The following CPEB3 variants were observed in gnomAD, a reference collection of about 807,000 sequenced individuals.
CPEB3 encodes the protein cytoplasmic polyadenylation element-binding protein 3.
CPEB3 carries 20 observed loss-of-function variants against 67.2 expected under a neutral mutation model. That is an observed-to-expected ratio of 0.30 (90% CI 0.21 to 0.43). The LOEUF is 0.43. Among genes scored for constraint, CPEB3 ranks in the 20% least tolerant of loss-of-function variants. The pLI is 1.00. For synonymous variants in CPEB3, 376 were observed against 393.1 expected, an observed-to-expected ratio of 0.96 and a Z score of 0.51; for missense variants, 746 against 968.6, an observed-to-expected ratio of 0.77 and a Z score of 3.05.
chr10:92,071,962 G>C (rs1235479505), intron 9 of CPEB3, among the ~76,000 whole-genome samples: 1 of 152,082 alleles, frequency 6.6e-6, no homozygotes, highest in Non-Finnish European at 1.5e-5. Flanking sequence ...AGAACAGAAA[G>C]AATGTGTACA....
chr10:92,189,814 C>T (rs1186176705), intron 3 of CPEB3, among the ~76,000 whole-genome samples: 1 of 135,968 alleles, frequency 7.4e-6, no homozygotes, highest in Non-Finnish European at 1.5e-5. Context: ...TTCAAGCAAT[C>T]ACCACGCCCT....
chr10:92,173,021 A>C (rs1349221620), intron 4 of CPEB3, among the ~76,000 whole-genome samples: 1 of 152,240 alleles, frequency 6.6e-6, no homozygotes, highest in Admixed American at 6.5e-5. Flanking sequence ...ATGTTTTCCC[A>C]GTCCTCCTTC....
At chr10:92,175,916 C>T (rs1460579279) in intron 4 of CPEB3, among the ~76,000 whole-genome samples, 1 of 152,066 alleles carries the variant, frequency 6.6e-6, no homozygotes, top group African/African-American at 2.4e-5. Flanking sequence ...ATGGCAAAAC[C>T]CCATCTCTAC....
chr10:92,068,505 T>TA (rs1218410800), intron 9 of CPEB3, among the ~76,000 whole-genome samples: 1 of 152,150 alleles, frequency 6.6e-6, no homozygotes, highest in Non-Finnish European at 1.5e-5. Flanking sequence ...ACTGCTAACT[T>TA]ACTTCTAACA....
At chr10:92,094,851 C>A (rs1461502518) in intron 7 of CPEB3, among the ~76,000 whole-genome samples, 3 of 151,134 alleles carry the variant, frequency 2.0e-5, no homozygotes, top group African/African-American at 7.3e-5. Flanking sequence ...AGAGATGTAT[C>A]TTTTTCTACA....
chr10:92,057,107 C>A (rs1052994193), intron 9 of CPEB3, among the ~76,000 whole-genome samples: 2 of 152,200 alleles, frequency 1.3e-5, no homozygotes, highest in Non-Finnish European at 2.9e-5. Context: ...CTGAGACTTG[C>A]TGGCTTCAGG....
chr10:92,127,175 C>T lies in CPEB3; in HGVS notation c.1453+15854G>A, dbSNP rs375853368. ...AAAAAAGAAATAAATTGGCCAGGCACGGTGACTTACATCTGTAATCCCAGC... is the reference window on the plus strand; with the variant it reads ...AAAAAAGAAATAAATTGGCCAGGCATGGTGACTTACATCTGTAATCCCAGC... On this transcript the variant is annotated intron_variant, in intron 6 of 9. Coordinates refer to ENST00000265997, the MANE Select transcript of CPEB3 (RefSeq NM_014912.5). Among the ~76,000 whole-genome samples, 42 of 152,224 alleles carry T rather than the reference C, an allele frequency of 2.8e-4. No homozygotes were observed. In the South Asian group the frequency reaches 8.3e-3, roughly 30 times the overall value.
chr10:92,251,797 C>T (rs893226831), intron 1 of CPEB3, among the ~76,000 whole-genome samples: 3 of 151,850 alleles, frequency 2.0e-5, no homozygotes, highest in African/African-American at 2.4e-5. Context: ...AAAAAAAGGT[C>T]GGATGTGGTG....
At chr10:92,116,254 A>G (rs966922086) in intron 6 of CPEB3, among the ~76,000 whole-genome samples, 7 of 138,008 alleles carry the variant, frequency 5.1e-5, no homozygotes, top group Non-Finnish European at 1.1e-4. Context: ...CCTTCCAGTA[A>G]AAAAAAAAAA....
intron 7 of CPEB3, among the ~76,000 whole-genome samples, chr10:92,108,974 C>A (rs1335972169): frequency 6.6e-6 from 1 of 152,204 alleles, no homozygotes; most frequent in East Asian, 1.9e-4. Context: ...ATATTATTCT[C>A]CTTCCCTACA....
chr10:92,146,587 C>G (rs555308314), intron 4 of CPEB3, among the ~76,000 whole-genome samples: 1 of 151,976 alleles, frequency 6.6e-6, no homozygotes. Context: ...ATTTCTTTTA[C>G]AAAAAAGTTA....
intron 7 of CPEB3, 58 bp from the exon 8 acceptor site, chr10:92,092,002 T>C (rs1231090844): frequency 9.8e-7 from 1 of 1,018,800 alleles, no homozygotes; most frequent in Admixed American, 1.9e-5. Context: ...CAAATGAGAA[T>C]AAGATGACTA....
intron 7 of CPEB3, among the ~76,000 whole-genome samples, chr10:92,093,523 G>A (rs1437568834): frequency 3.3e-5 from 5 of 150,912 alleles, no homozygotes; most frequent in Non-Finnish European, 7.4e-5. Flanking sequence ...TTTTTTGGGA[G>A]ATGGAGTTTC....
At chr10:92,283,295 T>G (rs1376993676) in intron 1 of CPEB3, among the ~76,000 whole-genome samples, 2 of 152,092 alleles carry the variant, frequency 1.3e-5, no homozygotes, top group Non-Finnish European at 2.9e-5. Context: ...TCACCTTTAC[T>G]GAAGAACTTT....
At chr10:92,200,437 T>G (rs1590369936) in intron 2 of CPEB3, among the ~76,000 whole-genome samples, 1 of 148,084 alleles carries the variant, frequency 6.8e-6, no homozygotes, top group South Asian at 2.1e-4. Context: ...CCCAGCTACT[T>G]GGGAGGCTGA....
At chr10:92,071,437 T>A (rs1367430058) in intron 9 of CPEB3, among the ~76,000 whole-genome samples, 2 of 151,986 alleles carry the variant, frequency 1.3e-5, no homozygotes, top group African/African-American at 4.8e-5. Flanking sequence ...ACTTTAAAAA[T>A]TTTCTCATGA....
intron 1 of CPEB3, among the ~76,000 whole-genome samples, chr10:92,270,461 C>CA (rs1853255872): frequency 6.6e-6 from 1 of 151,200 alleles, no homozygotes. Flanking sequence ...TGCTAGAACT[C>CA]AGAGTTCAAC....
chr10:92,065,054 T>C (rs1842493517), intron 9 of CPEB3, among the ~76,000 whole-genome samples: 1 of 152,184 alleles, frequency 6.6e-6, no homozygotes, highest in East Asian at 1.9e-4. Flanking sequence ...TGATACAACA[T>C]TTTCAATTGT....
At chr10:92,180,537 T>C (rs1166963785) in intron 4 of CPEB3, among the ~76,000 whole-genome samples, 1 of 152,228 alleles carries the variant, frequency 6.6e-6, no homozygotes, top group Non-Finnish European at 1.5e-5. Flanking sequence ...TCTGCCTTTG[T>C]AGCACAAAAG....
Sources: gnomAD v4.1 joint callset for allele counts (sites outside exome capture counted in the v4.1 genomes callset) on GRCh38, gnomAD v4.1.1 for gene constraint, MANE v1.5 for transcripts, NCBI Gene and HGNC (gene_info 2026-07-23, HGNC 2026-07-21) for gene names.